TMEM67: variants seen among roughly 807,000 people sequenced by gnomAD.
The protein encoded by TMEM67 is meckelin.
Under a neutral mutation model 136.6 loss-of-function variants are expected in TMEM67, and 124 were observed. The observed-to-expected ratio is 0.91, with a 90% confidence interval of 0.78 to 1.05. TMEM67 has a LOEUF of 1.05. TMEM67 is among the 50% of genes least tolerant of loss of function. The pLI is 0.00. For synonymous variants in TMEM67, 364 were observed against 390.5 expected (o/e 0.93, Z 0.80); for missense variants, 1,107 against 1,178.4 (o/e 0.94, Z 0.89).
chr8:93,827,459 G>A, the TMEM67 span, among the ~76,000 whole-genome samples: 1 of 152,130 alleles, frequency 6.6e-6, no homozygotes, highest in African/African-American at 2.4e-5. Flanking sequence ...ATAGCTCGCT[G>A]CAGCTGCAGC....
At chr8:93,777,744 A>G (rs1433051064) in intron 7 of TMEM67, among the ~76,000 whole-genome samples, 1 of 152,140 alleles carries the variant, frequency 6.6e-6, no homozygotes, top group African/African-American at 2.4e-5. Flanking sequence ...CTGTTCTTTT[A>G]CATTTGCTGA....
intron 26 of TMEM67, 152 bp from the exon 27 acceptor site, chr8:93,815,153 G>A (rs980872010): frequency 3.8e-5 from 19 of 500,670 alleles, no homozygotes; most frequent in Non-Finnish European, 6.4e-5. Flanking sequence ...ATCTTAAAAT[G>A]TTTGTTTATT....
intron 3 of TMEM67, chr8:93,758,834 A>C (rs558196906): frequency 7.7e-4 from 317 of 411,346 alleles, no homozygotes; most frequent in African/African-American, 6.0e-3. Flanking sequence ...CCTGGCCTCG[A>C]GAGATCTTCC....
chr8:93,814,361 G>C (rs1284189564), intron 26 of TMEM67, among the ~76,000 whole-genome samples: 2 of 150,038 alleles, frequency 1.3e-5, no homozygotes, highest in Non-Finnish European at 3.0e-5. Context: ...GGATAGTCTT[G>C]ATCGCCTGAC....
intron 17 of TMEM67, 106 bp from the exon 18 acceptor site, chr8:93,795,795 T>G: frequency 1.2e-6 from 1 of 861,264 alleles, no homozygotes; most frequent in Non-Finnish European, 1.9e-6. Flanking sequence ...GGCAGCATAC[T>G]GAGACCCTCC....
chr8:93,832,422 C>T, the TMEM67 span, among the ~76,000 whole-genome samples: 2 of 152,190 alleles, frequency 1.3e-5, no homozygotes, highest in Admixed American at 1.3e-4. Flanking sequence ...AGAACAATTT[C>T]CTTATCTGCC....
At chr8:93,760,926 G>A (rs79821150) in intron 3 of TMEM67, among the ~76,000 whole-genome samples, 37 of 152,138 alleles carry the variant, frequency 2.4e-4, no homozygotes, top group Non-Finnish European at 3.2e-4. Flanking sequence ...ATATTTTAAC[G>A]TGAGAAAAAA....
At chr8:93,755,603 T>C (rs1025987526) in intron 1 of TMEM67, among the ~76,000 whole-genome samples, 175 bp from the exon 2 acceptor site, 2 of 152,190 alleles carry the variant, frequency 1.3e-5, no homozygotes, top group African/African-American at 4.8e-5. Flanking sequence ...CGATTGGAAC[T>C]CAAGAAGTGT....
chr8:93,788,280 G>A (rs1814208162), intron 14 of TMEM67, among the ~76,000 whole-genome samples: 1 of 152,098 alleles, frequency 6.6e-6, no homozygotes. Flanking sequence ...TTAAGATTTT[G>A]TGGGTCACGC....
chr8:93,817,914 T>A lies in TMEM67; in HGVS notation c.*1462T>A, dbSNP rs1808967759. Reference sequence around the variant, plus strand: ...GGCATGGATATTTAAAACCACTCACTCAGAAGCATATGAAAGAAATTCAAC... The same window carrying A: ...GGCATGGATATTTAAAACCACTCACACAGAAGCATATGAAAGAAATTCAAC... On this transcript the variant is annotated 3_prime_UTR_variant, in exon 28 of 28. Transcript: ENST00000453321. 1 of 152,152 alleles carries A rather than the reference T, an allele frequency of 6.6e-6. No homozygotes were observed. Among genetic ancestry groups the A allele is most frequent in the African/African-American group, 2.4e-5 (1 of 41,436 alleles). The allele number at this position is 152,152 out of a possible 1,614,324, so 9.4% of individuals were successfully genotyped here. A position where few individuals can be genotyped will look rare whatever the true frequency, so the allele number is the denominator to read the frequency against.
rs777137476 is a variant in TMEM67 at position 93,804,784 on chromosome 8, A to G, written c.2345A>G (p.His782Arg). 1.9e-6 allele frequency: 3 copies of G among 1,603,166 alleles called. No individual in the cohort carries two copies. The highest frequency in any genetic ancestry group is 2.6e-6 in the Non-Finnish European group (3 of 1,170,588). The change falls in exon 23 of 28, where the codon CAC becomes CGC. Residue 782 changes from histidine (H) to arginine (R), a missense_variant. This residue lies in a region of TMEM67 where 925 missense variants were observed against 1,002.4 expected (regional missense o/e 0.92). Transcript: ENST00000453321. Reference sequence around the variant, plus strand: ...TAGATATCAGTGTTTCTGTTATCCCACAAATGTTTTGGATATTACATTCAT... The same window carrying G: ...TAGATATCAGTGTTTCTGTTATCCCGCAAATGTTTTGGATATTACATTCAT... Reference protein sequence around the residue: ...MSNISVFLLSHKCFGYYIHGR... With the variant: ...MSNISVFLLSRKCFGYYIHGR...
intron 23 of TMEM67, among the ~76,000 whole-genome samples, chr8:93,807,258 C>A (rs1264301240): frequency 6.6e-6 from 1 of 152,036 alleles, no homozygotes; most frequent in Non-Finnish European, 1.5e-5. Flanking sequence ...GGTTCATAAT[C>A]TTTGATTCAC....
Position 93,795,404 on chromosome 8 carries a change from T to C in TMEM67, c.1675-5T>C. On this transcript the variant is annotated splice_region_variant and splice_polypyrimidine_tract_variant and intron_variant, in intron 16 of 27. Transcript: ENST00000453321. Reference sequence around the variant, plus strand: ...ACAGCTGTAATTCTTTTTTTTAAATTGCAGACAGTTGTGAAATTCTTGGTG... The same window carrying C: ...ACAGCTGTAATTCTTTTTTTTAAATCGCAGACAGTTGTGAAATTCTTGGTG... 6.2e-7 allele frequency: 1 copy of C among 1,613,278 alleles called. No individual in the cohort carries two copies. Among genetic ancestry groups the C allele is most frequent in the East Asian group, 2.2e-5 (1 of 44,866 alleles).
rs1563478194 is a variant in TMEM67, at chr8:93,804,896, AT to A, written c.2439+19del. On this transcript the variant is annotated intron_variant, in intron 23 of 27. Transcript: ENST00000453321. ...GAGAAGCGGTATGAAAATGTTTTAC[AT>A]CTTTTTGTTTTTAAGTTGAGAAGTG... The A allele has an allele frequency of 7.2e-7, 1 of 1,396,038 alleles. No homozygotes were observed. The highest frequency in any genetic ancestry group is 1.7e-5 in the Admixed American group (1 of 59,498). The allele number at this position is 1,396,038 out of a possible 1,614,324, so 86.5% of individuals were successfully genotyped here.
At position 93,811,586 on chromosome 8, in the gene TMEM67, G is replaced by A. The variant is rs535785938; in HGVS notation, c.2764+1699G>A. Among the ~76,000 whole-genome samples the A allele has an allele frequency of 2.0e-4, 30 of 152,076 alleles. No homozygotes were observed. The East Asian group carries it at 5.6e-3, about 28-fold the overall frequency. ...CACAAGATGTATATAAGTTGATCAC[G>A]GAGGTGTGAAAAGAAAATATTAAAA... On this transcript the variant is annotated intron_variant, in intron 26 of 27. Transcript: ENST00000453321.
intron 23 of TMEM67, among the ~76,000 whole-genome samples, chr8:93,805,878 G>A (rs778688023): frequency 6.6e-6 from 1 of 152,134 alleles, no homozygotes; most frequent in African/African-American, 2.4e-5. Context: ...TCAGGTTGAC[G>A]TAATTTAGAC....
rs1017234434 is a variant in TMEM67 at position 93,815,577 on chromosome 8, C to G, written c.2907+130C>G. 4 of 804,840 alleles carry G rather than the reference C, an allele frequency of 5.0e-6. No individual in the cohort carries two copies. The African/African-American group carries it at 5.2e-5, about 10-fold the overall frequency. The allele number at this position is 804,840 out of a possible 1,614,324, so 49.9% of individuals were successfully genotyped here. On this transcript the variant is annotated intron_variant, in intron 27 of 27. Transcript: ENST00000453321. ...AATTTTGTAAAGGTTTAGAATATGA[C>G]TAACCCCACCAAAAGAAGGAATAAC...
intron 13 of TMEM67, among the ~76,000 whole-genome samples, chr8:93,786,779 C>G: frequency 6.6e-6 from 1 of 152,124 alleles, no homozygotes; most frequent in East Asian, 1.9e-4. Context: ...TATGATCCTA[C>G]GTTAGGATAG....
chr8:93,768,245 C>T (rs1813167229), intron 6 of TMEM67, among the ~76,000 whole-genome samples: 1 of 149,304 alleles, frequency 6.7e-6, no homozygotes, highest in Non-Finnish European at 1.5e-5. Flanking sequence ...TGTCCTCTCA[C>T]CAAACGTAGC....
Sources: allele counts gnomAD v4.1 joint callset (sites outside exome capture counted in the v4.1 genomes callset), GRCh38; gene constraint gnomAD v4.1.1; regional missense constraint gnomAD v4.1.1; transcripts MANE v1.5; gene names NCBI Gene and HGNC (gene_info 2026-07-23, HGNC 2026-07-21).